APBB2: variants seen among roughly 807,000 people sequenced by gnomAD.
The protein encoded by APBB2 is amyloid beta precursor protein binding family B member 2.
APBB2 carries 38 observed loss-of-function variants against 82.5 expected under a neutral mutation model. The observed-to-expected ratio is 0.46, with a 90% CI of 0.36 to 0.60. APBB2 has a LOEUF of 0.60. Among genes scored for constraint, APBB2 ranks in the 20% least tolerant of loss-of-function variants. APBB2 has a pLI of 0.00. For missense variants in APBB2, 772 were observed against 972.3 expected (o/e 0.79, Z 2.74); for synonymous variants, 341 against 368.2 (o/e 0.93, Z 0.85).
intron 3 of APBB2, among the ~76,000 whole-genome samples, chr4:41,090,662 T>G (rs967144833): frequency 6.6e-6 from 1 of 152,208 alleles, no homozygotes; most frequent in South Asian, 2.1e-4. Context: ...ATTTAATTTA[T>G]GATCGAAACC....
chr4:41,041,545 T>A (rs1327208180), intron 4 of APBB2, among the ~76,000 whole-genome samples: 1 of 152,262 alleles, frequency 6.6e-6, no homozygotes, highest in Non-Finnish European at 1.5e-5. Flanking sequence ...GGTCACTGCA[T>A]ACCTGCTGTT....
At chr4:41,043,513 A>G (rs959249441) in intron 4 of APBB2, among the ~76,000 whole-genome samples, 4 of 152,234 alleles carry the variant, frequency 2.6e-5, no homozygotes, top group Admixed American at 6.5e-5. Flanking sequence ...TTTCATAAAA[A>G]TATTTTAAAA....
chr4:41,131,434 T>G (rs1448729017), intron 2 of APBB2, among the ~76,000 whole-genome samples: 1 of 152,234 alleles, frequency 6.6e-6, no homozygotes, highest in Non-Finnish European at 1.5e-5. Context: ...CTTTTCTATA[T>G]TATAAATATC....
chr4:41,099,395 A>AT (rs1267604783), intron 3 of APBB2, among the ~76,000 whole-genome samples: 1 of 151,966 alleles, frequency 6.6e-6, no homozygotes, highest in African/African-American at 2.4e-5. Context: ...TACCCAGCTA[A>AT]TTTTTTTGTA....
intron 1 of APBB2, among the ~76,000 whole-genome samples, chr4:41,185,840 G>A (rs1028744597): frequency 6.6e-6 from 1 of 152,166 alleles, no homozygotes; most frequent in Admixed American, 6.5e-5. Context: ...GAGGAGTGTT[G>A]TGTGTGTTTG....
At chr4:41,139,493 G>A (rs7657728) in intron 2 of APBB2, among the ~76,000 whole-genome samples, 8,675 of 152,108 alleles carry the variant, frequency 0.057, 536 homozygotes, top group African/African-American at 0.15. Context: ...AGTATTGTTC[G>A]TAACTGCCAA....
chr4:40,982,542 G>A (rs1799364668), intron 6 of APBB2, among the ~76,000 whole-genome samples: 1 of 151,738 alleles, frequency 6.6e-6, no homozygotes, highest in African/African-American at 2.4e-5. Flanking sequence ...GTCAAGGCAG[G>A]TGGATTGCTT....
intron 1 of APBB2, among the ~76,000 whole-genome samples, chr4:41,150,792 G>C (rs902121496): frequency 1.3e-5 from 2 of 152,254 alleles, no homozygotes; most frequent in Non-Finnish European, 2.9e-5. Flanking sequence ...CCAGGCTGGA[G>C]TGCAATGGCC....
At chr4:40,944,189 CTT>C (rs1787758236) in intron 7 of APBB2, among the ~76,000 whole-genome samples, 1 of 152,240 alleles carries the variant, frequency 6.6e-6, no homozygotes, top group Non-Finnish European at 1.5e-5. Flanking sequence ...CTCTAATTCT[CTT>C]GAACAGTTTG....
chr4:40,933,889 G>A (rs1784797566), intron 10 of APBB2, among the ~76,000 whole-genome samples: 2 of 152,338 alleles, frequency 1.3e-5, no homozygotes, highest in South Asian at 2.1e-4. Flanking sequence ...TGTGGGGCCT[G>A]TGCAGCTGCA....
intron 2 of APBB2, among the ~76,000 whole-genome samples, chr4:41,116,312 C>T (rs1466980278): frequency 1.3e-5 from 2 of 151,992 alleles, no homozygotes; most frequent in Non-Finnish European, 2.9e-5. Flanking sequence ...CGGGGCCTGT[C>T]GGTGGGTGGG....
At chr4:40,856,737 C>A (rs1761311404) in intron 12 of APBB2, among the ~76,000 whole-genome samples, 1 of 152,220 alleles carries the variant, frequency 6.6e-6, no homozygotes, top group Admixed American at 6.5e-5. Context: ...CCCGAACAGT[C>A]CTGCTGCACT....
chr4:40,909,834 T>C (rs2154362205), intron 10 of APBB2, among the ~76,000 whole-genome samples: 1 of 152,302 alleles, frequency 6.6e-6, no homozygotes, highest in Admixed American at 6.5e-5. Flanking sequence ...AGGTGGGCGC[T>C]GACATTTACA....
At chr4:41,141,367 C>A (rs148136495) in intron 2 of APBB2, among the ~76,000 whole-genome samples, 5 of 151,870 alleles carry the variant, frequency 3.3e-5, no homozygotes, top group Non-Finnish European at 7.4e-5. Context: ...TGTGTGCACA[C>A]GCGCATGTGT....
Position 40,810,826 on chromosome 4 carries a change from G to T in APBB2, c.*5266C>A, listed in dbSNP as rs1388952540. The T allele has an allele frequency of 6.6e-6, 1 of 152,116 alleles. No individual in the cohort carries two copies. Among genetic ancestry groups the T allele is most frequent in the African/African-American group, 2.4e-5 (1 of 41,414 alleles). The allele number at this position is 152,116 out of a possible 1,614,324, so 9.4% of individuals were successfully genotyped here. ...CCAGATTTCTATCTGGTTGGTTAGG[G>T]TAGTCCATGCCTCAAGGAAGGCGGT... On this transcript the variant is annotated 3_prime_UTR_variant, in exon 18 of 18. Coordinates refer to ENST00000508593, the MANE Select transcript of APBB2 (RefSeq NM_004307.2).
chr4:40,839,039 A>AAT (rs1258893805), intron 12 of APBB2, among the ~76,000 whole-genome samples: 2 of 152,014 alleles, frequency 1.3e-5, no homozygotes, highest in Non-Finnish European at 2.9e-5. Flanking sequence ...TCCAGTGAAT[A>AAT]ATATATATAT....
At position 40,893,327 on chromosome 4, in the gene APBB2, A is replaced by T. The variant is rs1413080726; in HGVS notation, c.1339T>A (p.Cys447Ser). 1.7e-5 allele frequency: 28 copies of T among 1,613,710 alleles called. No individual in the cohort carries two copies. In the Admixed American group the frequency reaches 4.7e-4, roughly 27 times the overall value. Residue 447 changes from cysteine to serine, a missense_variant, in exon 11 of 18, where the codon TGC becomes AGC. Physicochemically the swap from Cys to Ser is moderately radical, Grantham distance 112. Coordinates refer to ENST00000508593, the MANE Select transcript of APBB2 (RefSeq NM_004307.2). Reference sequence around the variant, plus strand: ...TTGCAGTAGGAAAGTTGCCTGATGCAGTTGTTGACCGCAACACTACTTTTA... The same window carrying T: ...TTGCAGTAGGAAAGTTGCCTGATGCTGTTGTTGACCGCAACACTACTTTTA... ...PGKSSVAVNNCIRQLSYCKND... is the reference protein window; with the variant it reads ...PGKSSVAVNNSIRQLSYCKND...
At chr4:40,864,058 A>C (rs1578061210) in intron 12 of APBB2, among the ~76,000 whole-genome samples, 2 of 151,978 alleles carry the variant, frequency 1.3e-5, no homozygotes, top group African/African-American at 4.8e-5. Flanking sequence ...AGAGATAGAG[A>C]CCATCCTAGC....
At chr4:41,163,805 T>C (rs1765789494) in intron 1 of APBB2, among the ~76,000 whole-genome samples, 1 of 152,214 alleles carries the variant, frequency 6.6e-6, no homozygotes, top group Non-Finnish European at 1.5e-5. Flanking sequence ...TTAATTCTAT[T>C]TTTTAGAAAA....
Sources: gnomAD v4.1 joint callset for allele counts (sites outside exome capture counted in the v4.1 genomes callset) on GRCh38, gnomAD v4.1.1 for gene constraint, MANE v1.5 for transcripts, NCBI Gene and HGNC (gene_info 2026-07-23, HGNC 2026-07-21) for gene names.